Variants in PIGN observed in about 807,000 individuals in gnomAD.
The protein encoded by PIGN is GPI ethanolamine phosphate transferase 1.
In PIGN, 117 loss-of-function variants were observed where a neutral mutation model predicts 125.4. The observed-to-expected ratio is 0.93, with a 90% CI of 0.80 to 1.09. The LOEUF (loss-of-function observed/expected upper bound fraction) is 1.09, where lower values mean the gene tolerates loss of function less well. Ranked by LOEUF, PIGN falls within the 50% of genes least tolerant of loss-of-function variation. PIGN has a pLI of 0.00. For synonymous variants in PIGN, 392 were observed against 377.8 expected (o/e 1.04, Z -0.44); for missense variants, 1,075 against 1,094.9 (o/e 0.98, Z 0.26).
intron 28 of PIGN, among the ~76,000 whole-genome samples, chr18:62,080,395 T>C (rs1001149350): frequency 2.6e-5 from 4 of 152,196 alleles, no homozygotes; most frequent in African/African-American, 9.6e-5. Flanking sequence ...CTGGCCACAA[T>C]TGTGACACTT....
Position 62,074,825 on chromosome 18 carries a change from G to GAA in PIGN, c.2577-6_2577-5dup. ...GACGAGAACAATGAGAAAAAGGCTG[G>GAA]AAAAAAAAAGAAGGAAAAATTACAT... On this transcript the variant is annotated splice_polypyrimidine_tract_variant and splice_region_variant and intron_variant, in intron 28 of 30. Coordinates refer to ENST00000640252, the MANE Select transcript of PIGN (RefSeq NM_176787.5). 2.5e-6 allele frequency: 4 copies of GAA among 1,573,792 alleles called. No homozygotes were observed. Among genetic ancestry groups the GAA allele is most frequent in the East Asian group, 4.6e-5 (2 of 43,788 alleles).
chr18:62,115,911 G>T (rs141531449), intron 14 of PIGN, among the ~76,000 whole-genome samples: 1 of 151,998 alleles, frequency 6.6e-6, no homozygotes, highest in Non-Finnish European at 1.5e-5. Flanking sequence ...TCAGGCATTC[G>T]AGACCAGCTT....
chr18:62,156,788 T>C (rs1321741425), intron 6 of PIGN, among the ~76,000 whole-genome samples: 3 of 152,156 alleles, frequency 2.0e-5, no homozygotes, highest in African/African-American at 4.8e-5. Context: ...TAAAAATAAA[T>C]CTATGAGACA....
intron 23 of PIGN, among the ~76,000 whole-genome samples, chr18:62,028,498 G>C (rs1172738821): frequency 6.6e-6 from 1 of 152,184 alleles, no homozygotes; most frequent in African/African-American, 2.4e-5. Context: ...TAGCTGGCAA[G>C]AATCATCTTC....
chr18:62,062,054 G>C (rs2032182001), intron 30 of PIGN, among the ~76,000 whole-genome samples: 1 of 152,112 alleles, frequency 6.6e-6, no homozygotes, highest in South Asian at 2.1e-4. Context: ...CCGCTATAGA[G>C]GATACAAAGG....
At chr18:62,080,168 C>T (rs1429032863) in intron 28 of PIGN, among the ~76,000 whole-genome samples, 6 of 152,124 alleles carry the variant, frequency 3.9e-5, no homozygotes, top group Admixed American at 1.3e-4. Flanking sequence ...CAATCCCTGC[C>T]GTGTAGCCAT....
At chr18:62,134,439 T>G (rs1470173265) in intron 14 of PIGN, among the ~76,000 whole-genome samples, 1 of 151,998 alleles carries the variant, frequency 6.6e-6, no homozygotes, top group African/African-American at 2.4e-5. Flanking sequence ...TCTGACGAAT[T>G]CAACTAAAGA....
At chr18:62,101,327 A>G (rs1247512366) in intron 21 of PIGN, 144 bp from the exon 22 acceptor site, 3 of 592,862 alleles carry the variant, frequency 5.1e-6, no homozygotes, top group Non-Finnish European at 8.9e-6. Flanking sequence ...AGTGGACAGT[A>G]CAGGAACTGA....
At chr18:62,149,280 T>C (rs976355747) in intron 7 of PIGN, among the ~76,000 whole-genome samples, 4 of 152,212 alleles carry the variant, frequency 2.6e-5, no homozygotes, top group Non-Finnish European at 5.9e-5. Context: ...TAATACAATA[T>C]ATAACCTATC....
chr18:62,050,266 A>G (rs2031160349), intron 30 of PIGN, among the ~76,000 whole-genome samples: 1 of 152,180 alleles, frequency 6.6e-6, no homozygotes. Flanking sequence ...TGGGGATGGC[A>G]TTGAATCTAT....
intron 7 of PIGN, 166 bp downstream of exon 7, chr18:62,154,379 T>G: frequency 3.9e-6 from 2 of 512,352 alleles, no homozygotes; most frequent in Admixed American, 8.1e-5. Flanking sequence ...CTTCTCTTAT[T>G]TATTTAGAAT....
chr18:62,034,240 C>G lies in PIGN; in HGVS notation c.2143-16499G>C, dbSNP rs186334725. ...AAGCCAATGTGTTCCTTGTTTTGTT[C>G]TGTTTTCTGAATCTAATAAGTGAGA... On this transcript the variant is annotated intron_variant, in intron 23 of 24. Transcript: ENST00000639600. Among the ~76,000 whole-genome samples the G allele has an allele frequency of 1.9e-3, 288 of 152,306 alleles. 1 individual carries two copies. The highest frequency in any genetic ancestry group is 6.3e-3 in the African/African-American group (263 of 41,564).
In PIGN at chr18:62,062,882, C is replaced by CTTTTTTTTTTTTTTTTTTTTTTTTT. The variant is rs71160811; in HGVS notation, c.2672+9766_2672+9790dup. On this transcript the variant is annotated intron_variant, in intron 30 of 30. Coordinates refer to ENST00000640252, the MANE Select transcript of PIGN (RefSeq NM_176787.5). The stretch of plus-strand genomic sequence containing the variant: ...ATTTGTTTTATGCTTTTGTATTCTG[C>CTTTTTTTTTTTTTTTTTTTTTTTTT]TTTTTTTTTTTTTTTTTTTTTTTTT... 1.3e-3 allele frequency among the ~76,000 whole-genome samples: 27 copies of CTTTTTTTTTTTTTTTTTTTTTTTTT among 21,066 alleles called. 3 individuals carry two copies. The highest frequency in any genetic ancestry group is 2.0e-3 in the Admixed American group (3 of 1,506). The allele number at this position is 21,066 out of a possible 152,430, so 13.8% of individuals were successfully genotyped here.
At chr18:62,089,607 C>A (rs745532474) in intron 24 of PIGN, among the ~76,000 whole-genome samples, 3 of 152,090 alleles carry the variant, frequency 2.0e-5, no homozygotes, top group Non-Finnish European at 4.4e-5. Flanking sequence ...CATGAATCTG[C>A]TCAAAACTGC....
Position 62,090,591 on chromosome 18 carries a change from GA to G in PIGN, c.2181-14del. ...GAGAGCTTCATACCTAACAGGTGGG[GA>G]AAGGTAGAAATGAAAAGAAAAAAAC... is the stretch of plus-strand genomic sequence containing the variant. On this transcript the variant is annotated splice_polypyrimidine_tract_variant and intron_variant, in intron 23 of 30. Transcript: ENST00000640252. 6.8e-7 allele frequency: 1 copy of G among 1,471,332 alleles called. No individual in the cohort carries two copies. The allele number at this position is 1,471,332 out of a possible 1,614,324, so 91.1% of individuals were successfully genotyped here.
chr18:62,091,063 G>A (rs1214888493), intron 23 of PIGN, among the ~76,000 whole-genome samples: 1 of 152,108 alleles, frequency 6.6e-6, no homozygotes, highest in African/African-American at 2.4e-5. Flanking sequence ...TAAAACAACA[G>A]TGTTGGCCAG....
At chr18:62,185,429 T>C (rs2037880297) in intron 1 of PIGN, among the ~76,000 whole-genome samples, 1 of 152,178 alleles carries the variant, frequency 6.6e-6, no homozygotes, top group Admixed American at 6.5e-5. Context: ...TTTAAACTTC[T>C]AGCAAAAATA....
intron 25 of PIGN, among the ~76,000 whole-genome samples, chr18:62,086,673 G>C (rs2145997573): frequency 6.6e-6 from 1 of 150,776 alleles, no homozygotes; most frequent in South Asian, 2.1e-4. Flanking sequence ...GTGAAGAGTA[G>C]CAAATCTTTT....
rs556532358 is a variant in PIGN, at chr18:62,127,514, G to A, written c.1172+10729C>T. 1.1e-4 allele frequency among the ~76,000 whole-genome samples: 16 copies of A among 152,170 alleles called. No individual in the cohort carries two copies. The East Asian group carries it at 1.7e-3, about 17-fold the overall frequency. ...CGAAGTATCTGTAATAACAGTACCC[G>A]CCATATCAGGCTGTTTTAAGAATTA... On this transcript the variant is annotated intron_variant, in intron 14 of 30. Transcript: ENST00000640252.
Sources: allele counts gnomAD v4.1 joint callset (sites outside exome capture counted in the v4.1 genomes callset), GRCh38; gene constraint gnomAD v4.1.1; transcripts MANE v1.5; gene names NCBI Gene and HGNC (gene_info 2026-07-23, HGNC 2026-07-21).